The following NXPE2 variants were observed in gnomAD, a reference collection of about 807,000 sequenced individuals.
NXPE2 encodes the protein NXPE family member 2.
Under a neutral mutation model 34.4 loss-of-function variants are expected in NXPE2, and 34 were observed. That is an observed-to-expected ratio of 0.99 (90% confidence interval 0.75 to 1.31). The LOEUF (loss-of-function observed/expected upper bound fraction) is 1.31, where lower values mean the gene tolerates loss of function less well. Among genes scored for constraint, NXPE2 ranks in the 40% most tolerant of loss-of-function variants. The probability of loss-of-function intolerance (pLI) is 0.00; values close to 1 mark genes in which losing one functional copy is unlikely to be tolerated. For missense variants in NXPE2, 649 were observed against 672.5 expected (o/e 0.97, Z 0.39); for synonymous variants, 235 against 231.3 (o/e 1.02, Z -0.15).
downstream of NXPE2, among the ~76,000 whole-genome samples, chr11:114,708,764 G>A (rs546084937): frequency 1.1e-4 from 17 of 152,246 alleles, no homozygotes; most frequent in Admixed American, 3.3e-4. Context: ...CTACTTATTG[G>A]TTCTAATTCC....
the NXPE2 span, among the ~76,000 whole-genome samples, chr11:114,724,350 G>A: frequency 6.4e-3 from 967 of 152,184 alleles, 8 homozygotes; most frequent in African/African-American, 0.023. Context: ...CTCGTACTCC[G>A]CAAGAATGAA....
chr11:114,617,423 G>A, the NXPE2 span, among the ~76,000 whole-genome samples: 19 of 140,236 alleles, frequency 1.4e-4, no homozygotes, highest in South Asian at 9.3e-4. Context: ...CACTGTTACC[G>A]GGTGGATAAT....
At chr11:114,781,934 G>T in the NXPE2 span, among the ~76,000 whole-genome samples, 1 of 152,142 alleles carries the variant, frequency 6.6e-6, no homozygotes, top group African/African-American at 2.4e-5. Context: ...AGGGCAAGTG[G>T]CCCTGCTGAA....
At chr11:114,733,339 C>T in the NXPE2 span, among the ~76,000 whole-genome samples, 108 of 152,260 alleles carry the variant, frequency 7.1e-4, no homozygotes, top group African/African-American at 2.5e-3. Flanking sequence ...GTGATCTGCC[C>T]GCCTTGGCCT....
the NXPE2 span, chr11:114,513,434 AG>A: frequency 1.0e-5 from 3 of 292,116 alleles, no homozygotes; most frequent in Admixed American, 1.2e-4. Flanking sequence ...TGATGAAGAA[AG>A]ATAGGCATCT....
chr11:114,740,996 T>A, the NXPE2 span, among the ~76,000 whole-genome samples: 2 of 152,222 alleles, frequency 1.3e-5, no homozygotes, highest in Non-Finnish European at 2.9e-5. Context: ...TGTTTATTCC[T>A]TCATTTCTTG....
the NXPE2 span, among the ~76,000 whole-genome samples, chr11:114,773,281 C>CG: frequency 3.2e-4 from 21 of 66,378 alleles, 2 homozygotes; most frequent in East Asian, 1.6e-3. Flanking sequence ...CCACTCCCAC[C>CG]CCCCCCCCAC....
chr11:114,633,117 T>C, the NXPE2 span, among the ~76,000 whole-genome samples: 1 of 122,990 alleles, frequency 8.1e-6, no homozygotes, highest in Middle Eastern at 0.011. Context: ...CATTATATTT[T>C]ATATAATTTA....
the NXPE2 span, among the ~76,000 whole-genome samples, chr11:114,620,011 A>T: frequency 6.6e-6 from 1 of 151,760 alleles, no homozygotes; most frequent in Non-Finnish European, 1.5e-5. Flanking sequence ...CTCGTGGGTA[A>T]CCATTGTTAC....
chr11:114,723,412 A>G, the NXPE2 span, among the ~76,000 whole-genome samples: 9 of 152,192 alleles, frequency 5.9e-5, no homozygotes, highest in Non-Finnish European at 1.0e-4. Context: ...TGTGGAAAGT[A>G]GAGTTAGAAG....
the NXPE2 span, among the ~76,000 whole-genome samples, chr11:114,673,062 G>A: frequency 2.0e-5 from 3 of 147,768 alleles, no homozygotes; most frequent in Non-Finnish European, 4.5e-5. Context: ...CATAAAACAA[G>A]CCTATATATA....
At chr11:114,511,391 C>A in the NXPE2 span, among the ~76,000 whole-genome samples, 7 of 152,084 alleles carry the variant, frequency 4.6e-5, no homozygotes, top group Non-Finnish European at 1.0e-4. Flanking sequence ...GACTCCGAGG[C>A]CATAAGCATG....
chr11:114,594,192 T>C, the NXPE2 span, among the ~76,000 whole-genome samples: 1 of 152,156 alleles, frequency 6.6e-6, no homozygotes, highest in South Asian at 2.1e-4. Flanking sequence ...TTGTCTTGTT[T>C]GTAGCACAAG....
the NXPE2 span, among the ~76,000 whole-genome samples, chr11:114,565,968 G>A: frequency 8.5e-5 from 13 of 152,304 alleles, no homozygotes; most frequent in Non-Finnish European, 1.6e-4. Context: ...TGAGAGGAAT[G>A]AGAGAAGTAA....
chr11:114,624,045 G>T, the NXPE2 span, among the ~76,000 whole-genome samples: 591 of 151,122 alleles, frequency 3.9e-3, 5 homozygotes, highest in African/African-American at 0.013. Flanking sequence ...ACTGTTACCT[G>T]GTGGATAATG....
rs1293036586 is a variant in NXPE2, at chr11:114,689,136, G to A, written c.133-8909G>A. 4.6e-5 allele frequency among the ~76,000 whole-genome samples: 7 copies of A among 151,676 alleles called. No individual in the cohort carries two copies. The East Asian group carries it at 1.4e-3, about 29-fold the overall frequency. Reference sequence around the variant, plus strand: ...TATTTCTTTTCTTCTGCTAGCTTTGGGACTAGTTCTTGTTTTTCTATTTCC... The same window carrying A: ...TATTTCTTTTCTTCTGCTAGCTTTGAGACTAGTTCTTGTTTTTCTATTTCC... On this transcript the variant is annotated intron_variant, in intron 2 of 5. Coordinates refer to ENST00000389586, the MANE Select transcript of NXPE2 (RefSeq NM_182495.6).
At chr11:114,545,759 G>T in the NXPE2 span, among the ~76,000 whole-genome samples, 1 of 151,018 alleles carries the variant, frequency 6.6e-6, no homozygotes, top group South Asian at 2.1e-4. Context: ...CGTGAACTCA[G>T]CTCACTGTAA....
chr11:114,498,462 A>T, the NXPE2 span, among the ~76,000 whole-genome samples: 1 of 151,872 alleles, frequency 6.6e-6, no homozygotes, highest in East Asian at 1.9e-4. Flanking sequence ...TAATTAATAA[A>T]AAACCATCAA....
chr11:114,632,468 A>G, the NXPE2 span, among the ~76,000 whole-genome samples: 1 of 128,562 alleles, frequency 7.8e-6, no homozygotes, highest in African/African-American at 2.9e-5. Context: ...TATACATTAT[A>G]TATACTATAT....
Sources: allele counts gnomAD v4.1 joint callset (sites outside exome capture counted in the v4.1 genomes callset), GRCh38; gene constraint gnomAD v4.1.1; transcripts MANE v1.5; gene names NCBI Gene and HGNC (gene_info 2026-07-23, HGNC 2026-07-21).